Variants in HERPUD2 observed in about 807,000 individuals in gnomAD.
HERPUD2 encodes the protein homocysteine-responsive endoplasmic reticulum-resident ubiquitin-like domain member 2 protein.
HERPUD2 carries 13 observed loss-of-function variants against 49.9 expected under a neutral mutation model. The observed-to-expected ratio is 0.26, with a 90% CI of 0.17 to 0.41. The LOEUF is 0.41. Among genes scored for constraint, HERPUD2 ranks in the 10% least tolerant of loss-of-function variants. HERPUD2 has a pLI of 1.00. For synonymous variants in HERPUD2, 172 were observed against 171.4 expected, an observed-to-expected ratio of 1.00 and a Z score of -0.03; for missense variants, 449 against 492.2, an observed-to-expected ratio of 0.91 and a Z score of 0.83.
At chr7:35,641,038 C>T (rs1351113782) in intron 5 of HERPUD2, among the ~76,000 whole-genome samples, 1 of 152,048 alleles carries the variant, frequency 6.6e-6, no homozygotes, top group Admixed American at 6.6e-5. Context: ...AAAAAATCAA[C>T]ATATTTGACA....
intron 2 of HERPUD2, among the ~76,000 whole-genome samples, chr7:35,674,394 TATATATATATAGAGAGAGAGAGAG>T (rs1562682698): frequency 3.4e-5 from 2 of 58,058 alleles, no homozygotes; most frequent in South Asian, 6.6e-4. Context: ...TATATATATA[TATATATATATAGAGAGAGAGAGAG>T]AGAGAGAGAG....
In HERPUD2 at chr7:35,646,731, T is replaced by C. The variant is rs60249291; in HGVS notation, c.495-8259A>G. Among the ~76,000 whole-genome samples the C allele has an allele frequency of 5.4e-3, 822 of 152,356 alleles. 6 individuals are homozygous for C. The highest frequency in any genetic ancestry group is 0.019 in the African/African-American group (790 of 41,580). ...CCCATAGAAAATGTCATATTCTTTA[T>C]GCAAGGAAAACTGAGTAAGATAATA... On this transcript the variant is annotated intron_variant, in intron 5 of 8. Transcript: ENST00000311350.
intron 2 of HERPUD2, among the ~76,000 whole-genome samples, chr7:35,692,422 C>T (rs17766969): frequency 0.39 from 60,039 of 152,052 alleles, 12,282 homozygotes; most frequent in South Asian, 0.56. Context: ...CATATATTTG[C>T]TATGAACAGT....
At chr7:35,677,763 G>A (rs1368043178) in intron 2 of HERPUD2, among the ~76,000 whole-genome samples, 2 of 152,178 alleles carry the variant, frequency 1.3e-5, no homozygotes, top group African/African-American at 4.8e-5. Context: ...AACTGATGAT[G>A]CAAGAGAGAA....
intron 3 of HERPUD2, among the ~76,000 whole-genome samples, chr7:35,672,320 A>G (rs1044647363): frequency 6.6e-6 from 1 of 152,002 alleles, no homozygotes; most frequent in African/African-American, 2.4e-5. Context: ...AAATTCCACT[A>G]TTTTTGAGGG....
At chr7:35,655,185 A>G (rs574610958) in intron 5 of HERPUD2, among the ~76,000 whole-genome samples, 1 of 152,310 alleles carries the variant, frequency 6.6e-6, no homozygotes, top group South Asian at 2.1e-4. Context: ...ATTAACACCA[A>G]TTCTCCTCAA....
intron 6 of HERPUD2, among the ~76,000 whole-genome samples, chr7:35,636,489 A>AG (rs1784873200): frequency 6.6e-6 from 1 of 152,200 alleles, no homozygotes; most frequent in Non-Finnish European, 1.5e-5. Flanking sequence ...GATGCACATA[A>AG]GAGTATATGA....
At chr7:35,640,308 C>T (rs1444016457) in intron 5 of HERPUD2, among the ~76,000 whole-genome samples, 1 of 152,084 alleles carries the variant, frequency 6.6e-6, no homozygotes, top group East Asian at 1.9e-4. Flanking sequence ...AGTAAATCTC[C>T]ACCAATCTCT....
At chr7:35,657,790 G>A (rs1785311760) in intron 5 of HERPUD2, among the ~76,000 whole-genome samples, 1 of 150,958 alleles carries the variant, frequency 6.6e-6, no homozygotes, top group African/African-American at 2.4e-5. Context: ...GCTGTGGCGG[G>A]CGCCTGTAGT....
intron 5 of HERPUD2, among the ~76,000 whole-genome samples, chr7:35,659,553 T>G (rs10224743): frequency 6.6e-6 from 1 of 152,158 alleles, no homozygotes; most frequent in South Asian, 2.1e-4. Flanking sequence ...TTAAACCACA[T>G]AGAAATCCTG....
At chr7:35,655,312 C>CA (rs543852437) in intron 5 of HERPUD2, among the ~76,000 whole-genome samples, 182 of 152,272 alleles carry the variant, frequency 1.2e-3, no homozygotes, top group African/African-American at 4.3e-3. Flanking sequence ...AACACAGACA[C>CA]AAAAATCCTC....
rs1211039588 is a variant in HERPUD2, at chr7:35,694,606, G to A, written c.-276C>T. 4 of 478,756 alleles carry A rather than the reference G, an allele frequency of 8.4e-6. No individual in the cohort carries two copies. Among genetic ancestry groups the A allele is most frequent in the African/African-American group, 3.9e-5 (2 of 51,754 alleles). 29.7% of individuals were successfully genotyped at this position (478,756 alleles called of 1,614,324 possible). The stretch of plus-strand genomic sequence containing the variant: ...CTCCGCCGGGCTCCGGACTGTGGAG[G>A]CCGTCGTGAGGAGAAAGGAAGCTAT... On this transcript the variant is annotated 5_prime_UTR_variant, in exon 2 of 9. Coordinates refer to ENST00000311350, the MANE Select transcript of HERPUD2 (RefSeq NM_022373.5).
chr7:35,640,163 C>T (rs1321929658), intron 5 of HERPUD2, among the ~76,000 whole-genome samples: 1 of 152,206 alleles, frequency 6.6e-6, no homozygotes, highest in Non-Finnish European at 1.5e-5. Flanking sequence ...TCAGCATTTA[C>T]ACCAGGGAGC....
In HERPUD2 at chr7:35,642,579, T is replaced by C. The variant is rs184332595; in HGVS notation, c.495-4107A>G. Among the ~76,000 whole-genome samples the C allele has an allele frequency of 6.9e-3, 1,052 of 152,256 alleles. 12 individuals carry two copies. Among genetic ancestry groups the C allele is most frequent in the African/African-American group, 0.024 (994 of 41,544 alleles). On this transcript the variant is annotated intron_variant, in intron 5 of 8. Transcript: ENST00000311350. ...AACCTCAATGCTCATCAATGACAGA[T>C]TGGATAAAGAAAAAGTACATATACA...
chr7:35,639,804 C>T (rs1784939347), intron 5 of HERPUD2, among the ~76,000 whole-genome samples: 2 of 152,306 alleles, frequency 1.3e-5, no homozygotes, highest in Admixed American at 1.3e-4. Flanking sequence ...ACAGGCTATA[C>T]TTAAAGAAAC....
In HERPUD2 at chr7:35,633,491, T is replaced by TTA; in HGVS notation, c.*198_*199insTA. The TTA allele has an allele frequency of 7.0e-6, 2 of 284,448 alleles. No individual in the cohort carries two copies. Among genetic ancestry groups the TTA allele is most frequent in the East Asian group, 6.3e-5 (1 of 15,934 alleles). The allele number at this position is 284,448 out of a possible 1,614,324, so 17.6% of individuals were successfully genotyped here. A position where few individuals can be genotyped will look rare whatever the true frequency, so the allele number is the denominator to read the frequency against. On this transcript the variant is annotated 3_prime_UTR_variant, in exon 9 of 9. Transcript: ENST00000311350. ...TTACGCTATGTTCTGTTAGGATCTT[T>TTA]AAAAAAAAAAAAAAAAAACTCAGAT...
chr7:35,691,497 A>G (rs1246147785), intron 2 of HERPUD2, among the ~76,000 whole-genome samples: 4 of 152,202 alleles, frequency 2.6e-5, no homozygotes, highest in African/African-American at 9.7e-5. Context: ...AGATCCAATT[A>G]GAGCAATGTT....
chr7:35,661,208 C>A (rs1433556819), intron 5 of HERPUD2, among the ~76,000 whole-genome samples: 1 of 151,166 alleles, frequency 6.6e-6, no homozygotes, highest in Non-Finnish European at 1.5e-5. Flanking sequence ...GTATTATTTC[C>A]AAGGGCTCTA....
Position 35,635,302 on chromosome 7 carries a change from T to C in HERPUD2, c.774A>G (p.Gln258=), listed in dbSNP as rs1164777100. 7 of 1,614,078 alleles carry C rather than the reference T, an allele frequency of 4.3e-6. No individual in the cohort carries two copies. Among genetic ancestry groups the C allele is most frequent in the South Asian group, 2.2e-5 (2 of 91,092 alleles). ...QENRPMNENV[Q]MNAQGGPVLN... ...GTACTGGACCTCCCTGTGCATTCAT[T>C]TGAACATTCTCATTCATGGGTCGAT... is the stretch of plus-strand genomic sequence containing the variant. The change falls in exon 7 of 9, where the codon CAA becomes CAG. Residue 258 remains glutamine, a synonymous_variant. Transcript: ENST00000311350.
Sources: allele counts gnomAD v4.1 joint callset (sites outside exome capture counted in the v4.1 genomes callset), GRCh38; gene constraint gnomAD v4.1.1; transcripts MANE v1.5; gene names NCBI Gene and HGNC (gene_info 2026-07-23, HGNC 2026-07-21).